Variants in PLEKHA6 observed in about 807,000 individuals in gnomAD.
PLEKHA6 encodes pleckstrin homology domain containing A6, also known as pleckstrin homology domain-containing family A member 6.
Under a neutral mutation model 116.7 loss-of-function variants are expected in PLEKHA6, and 60 were observed. The observed-to-expected ratio is 0.51, with a 90% CI of 0.42 to 0.64. The LOEUF (loss-of-function observed/expected upper bound fraction) is 0.64. Among genes scored for constraint, PLEKHA6 ranks in the 30% least tolerant of loss-of-function variants. PLEKHA6 has a pLI of 0.00. For synonymous variants in PLEKHA6, 489 were observed against 556.1 expected (o/e 0.88, Z 1.70); for missense variants, 1,338 against 1,422.7 (o/e 0.94, Z 0.96).
chr1:204,257,690 A>C lies in PLEKHA6; in HGVS notation c.1187T>G (p.Phe396Cys). 2 of 1,611,626 alleles carry C rather than the reference A, an allele frequency of 1.2e-6. No homozygotes were observed. The highest frequency in any genetic ancestry group is 1.7e-6 in the Non-Finnish European group (2 of 1,179,032). The change falls in exon 9 of 23, where the codon TTC becomes TGC. Residue 396 changes from phenylalanine to cysteine, a missense_variant. By Grantham distance (205) the Phe-to-Cys change is radical. Transcript: ENST00000272203. This position sits in a 1 kb window ranked among gnomAD's most constrained non-coding sequence, Gnocchi z 6.5. ...PWALEDKRHA[F>C]RNGGGPAYQL... ...GTAGGCAGGGCCACCCCCATTGCGG[A>C]AGGCATGGCGCTTGTCCTCCAGGGC...
At chr1:204,280,220 ACT>A in intron 1 of PLEKHA6, 2 of 759,852 alleles carry the variant, frequency 2.6e-6, no homozygotes, top group Non-Finnish European at 3.2e-6. Context: ...CATAGAGATA[ACT>A]CTGCATTGCT....
Position 204,219,220 on chromosome 1 carries a change from C to CGTGTGTGT in PLEKHA6, c.*3560_*3567dup, listed in dbSNP as rs375763839. 2 of 146,592 alleles carry CGTGTGTGT rather than the reference C, an allele frequency of 1.4e-5. No homozygotes were observed. Among genetic ancestry groups the CGTGTGTGT allele is most frequent in the African/African-American group, 2.5e-5 (1 of 39,838 alleles). 9.1% of individuals were successfully genotyped at this position (146,592 alleles called of 1,614,324 possible). On this transcript the variant is annotated 3_prime_UTR_variant, in exon 23 of 23. Coordinates refer to ENST00000272203, the MANE Select transcript of PLEKHA6 (RefSeq NM_014935.5). ...CCCAATATGTGCATAAATAGATATA[C>CGTGTGTGT]GTGTGTGTGTGTGTGTGTGTGTATA...
intron 1 of PLEKHA6, among the ~76,000 whole-genome samples, chr1:204,331,860 A>T (rs1192741557): frequency 6.3e-5 from 8 of 126,454 alleles, no homozygotes; most frequent in African/African-American, 2.5e-4. Flanking sequence ...AGAGTCACCC[A>T]GCCGTCCCCC....
intron 1 of PLEKHA6, among the ~76,000 whole-genome samples, chr1:204,355,641 T>A (rs557647990): frequency 1.3e-5 from 2 of 151,936 alleles, no homozygotes; most frequent in African/African-American, 4.8e-5. Context: ...GGTTTCACCA[T>A]GTTGACCAGG....
At position 204,244,875 on chromosome 1, in the gene PLEKHA6, C is replaced by T; in HGVS notation, c.2161G>A (p.Gly721Ser). The T allele has an allele frequency of 5.8e-6, 9 of 1,564,640 alleles. No individual in the cohort carries two copies. The highest frequency in any genetic ancestry group is 2.3e-5 in the South Asian group (2 of 85,200). The change falls in exon 15 of 23, where the codon GGC becomes AGC. Residue 721 changes from glycine to serine, a missense_variant. By Grantham distance (56) the Gly-to-Ser change is moderately conservative. This residue lies in a region of PLEKHA6 where 1,136 missense variants were observed against 1,163.6 expected (regional missense o/e 0.98). Transcript: ENST00000272203. Reference sequence around the variant, plus strand: ...ATTTCTCAACTTACCTCGTTGGAGCCAGGCTTGGTGGGGGACCCCTGAGAG... The same window carrying T: ...ATTTCTCAACTTACCTCGTTGGAGCTAGGCTTGGTGGGGGACCCCTGAGAG... ...SGSQGSPTKP[G>S]SNEPKANYEQ...
chr1:204,317,032 A>G (rs762424977), intron 1 of PLEKHA6: 7 of 154,294 alleles, frequency 4.5e-5, no homozygotes, highest in Non-Finnish European at 1.0e-4. Flanking sequence ...GGTACCTTCC[A>G]GTCTCCTCCA....
intron 1 of PLEKHA6, among the ~76,000 whole-genome samples, chr1:204,285,561 C>T (rs565957611): frequency 6.6e-6 from 1 of 151,946 alleles, no homozygotes; most frequent in Non-Finnish European, 1.5e-5. Context: ...CCGCAGGCTC[C>T]GCTCCCTGAG....
At position 204,259,280 on chromosome 1, in the gene PLEKHA6, G is replaced by T. The variant is rs767307862; in HGVS notation, c.985C>A (p.Pro329Thr). The change falls in exon 8 of 23, where the codon CCC (proline) becomes ACC (threonine). Residue 329 changes from proline (P) to threonine (T), a missense_variant. Physicochemically the swap from Pro to Thr is conservative, Grantham distance 38. This residue lies in a region of PLEKHA6 where 1,136 missense variants were observed against 1,163.6 expected (regional missense o/e 0.98). Transcript: ENST00000272203. The surrounding 1 kb of genome is among the most constrained non-coding windows in gnomAD (Gnocchi z 4.6). ...QQWVNLRRGV[P>T]PPEDLRSPSR... ...CACCTCCGAAGGTCTTCAGGCGGGG[G>T]TACCCCCCGGCGCAGATTCACCCAC... The T allele has an allele frequency of 9.3e-6, 15 of 1,613,760 alleles. No homozygotes were observed. In the Admixed American group the frequency reaches 2.5e-4, roughly 27 times the overall value.
intron 1 of PLEKHA6, among the ~76,000 whole-genome samples, chr1:204,328,046 T>A (rs867773973): frequency 2.1e-5 from 3 of 142,474 alleles, no homozygotes; most frequent in Admixed American, 7.0e-5. Flanking sequence ...CTTTTATTTA[T>A]TTTATTTATT....
intron 17 of PLEKHA6, among the ~76,000 whole-genome samples, chr1:204,232,421 C>A (rs1207841459): frequency 1.3e-5 from 2 of 152,058 alleles, no homozygotes; most frequent in African/African-American, 4.8e-5. Flanking sequence ...TGTAGCTGGA[C>A]AACATTTTGC....
intron 1 of PLEKHA6, among the ~76,000 whole-genome samples, chr1:204,352,202 C>T (rs1482899233): frequency 1.3e-5 from 2 of 151,804 alleles, no homozygotes; most frequent in Non-Finnish European, 2.9e-5. Context: ...GGTGAAACCC[C>T]ATCTCTACTA....
intron 1 of PLEKHA6, among the ~76,000 whole-genome samples, chr1:204,282,986 G>C (rs1572055412): frequency 1.3e-5 from 2 of 152,182 alleles, no homozygotes; most frequent in African/African-American, 4.8e-5. Context: ...GGGGTAACAG[G>C]GCAGGGCAAT....
At chr1:204,356,175 GTTTATA>G (rs1673410831) in intron 1 of PLEKHA6, among the ~76,000 whole-genome samples, 1 of 152,166 alleles carries the variant, frequency 6.6e-6, no homozygotes, top group Non-Finnish European at 1.5e-5. Flanking sequence ...TTGTAGCCTT[GTTTATA>G]AAAGTAGAAA....
chr1:204,240,227 G>A (rs550115320), intron 17 of PLEKHA6, among the ~76,000 whole-genome samples: 2 of 152,250 alleles, frequency 1.3e-5, no homozygotes, highest in South Asian at 4.2e-4. Flanking sequence ...AAGGTCAATG[G>A]GAAACTACAA....
intron 6 of PLEKHA6, among the ~76,000 whole-genome samples, chr1:204,264,189 C>T (rs762880814): frequency 9.9e-5 from 15 of 152,078 alleles, no homozygotes; most frequent in Admixed American, 2.0e-4. Context: ...TGAAAAGGGA[C>T]CTATGATTTT....
chr1:204,258,213 G>A (rs1017980338), intron 8 of PLEKHA6, among the ~76,000 whole-genome samples: 1 of 152,186 alleles, frequency 6.6e-6, no homozygotes, highest in African/African-American at 2.4e-5. Flanking sequence ...AGTCTACCAG[G>A]CACCTGAAGG....
At chr1:204,332,162 G>T (rs1236413444) in intron 1 of PLEKHA6, among the ~76,000 whole-genome samples, 1 of 152,174 alleles carries the variant, frequency 6.6e-6, no homozygotes, top group Admixed American at 6.5e-5. Context: ...GCATGTTGCT[G>T]CAGGGGACAG....
At chr1:204,287,055 C>T (rs781432658) in intron 1 of PLEKHA6, among the ~76,000 whole-genome samples, 6 of 152,148 alleles carry the variant, frequency 3.9e-5, no homozygotes, top group Non-Finnish European at 7.3e-5. Context: ...GCACAGGGAG[C>T]ACCCTGTTCC....
At chr1:204,374,975 C>G (rs914224053) in intron 1 of PLEKHA6, among the ~76,000 whole-genome samples, 18 of 152,180 alleles carry the variant, frequency 1.2e-4, no homozygotes, top group African/African-American at 4.3e-4. Flanking sequence ...TTTGGCTTTT[C>G]TGCTGCATCC....
Sources: gnomAD v4.1 joint callset for allele counts (sites outside exome capture counted in the v4.1 genomes callset) on GRCh38, gnomAD v4.1.1 for gene constraint, gnomAD v4.1.1 regional missense constraint, Gnocchi (gnomAD v3.1) non-coding constraint, MANE v1.5 for transcripts, NCBI Gene and HGNC (gene_info 2026-07-23, HGNC 2026-07-21) for gene names.